The following DYM variants were observed in gnomAD, a reference collection of about 807,000 sequenced individuals.
The protein encoded by DYM is dymeclin.
A neutral mutation model predicts 93.1 loss-of-function variants in DYM; 78 were observed. The ratio of observed to expected loss-of-function variants is 0.84; its 90% CI spans 0.70 to 1.01. The LOEUF (loss-of-function observed/expected upper bound fraction) is 1.01. DYM is among the 50% of genes least tolerant of loss of function. The pLI is 0.00. For synonymous variants in DYM, 321 were observed against 319.7 expected, an observed-to-expected ratio of 1.00 and a Z score of -0.04; for missense variants, 789 against 845.0, an observed-to-expected ratio of 0.93 and a Z score of 0.82.
intron 17 of DYM, among the ~76,000 whole-genome samples, chr18:49,051,550 T>C (rs2072446345): frequency 6.6e-6 from 1 of 152,244 alleles, no homozygotes; most frequent in Non-Finnish European, 1.5e-5. Flanking sequence ...GGGTTGGGCC[T>C]GGGTTCAGCT....
At chr18:49,279,209 AC>A (rs2094914282) in intron 10 of DYM, among the ~76,000 whole-genome samples, 2 of 152,204 alleles carry the variant, frequency 1.3e-5, no homozygotes, top group Admixed American at 6.5e-5. Context: ...AGTGAGTCAG[AC>A]CATCAATAGA....
At chr18:49,386,820 T>C (rs78302010) in intron 3 of DYM, among the ~76,000 whole-genome samples, 1,653 of 152,320 alleles carry the variant, frequency 0.011, 27 homozygotes, top group African/African-American at 0.038. Context: ...TTTTACAAAT[T>C]GAAGGTTTGT....
At chr18:49,270,227 G>A (rs116782214) in intron 11 of DYM, among the ~76,000 whole-genome samples, 1,606 of 152,194 alleles carry the variant, frequency 0.011, 27 homozygotes, top group African/African-American at 0.037. Context: ...AGTAGTGCAT[G>A]GTTGTATAAA....
chr18:49,143,171 T>C (rs2084719758), intron 15 of DYM, among the ~76,000 whole-genome samples: 1 of 152,204 alleles, frequency 6.6e-6, no homozygotes, highest in Admixed American at 6.5e-5. Context: ...GATACTAGTA[T>C]TCTCACTTTA....
chr18:49,423,770 T>C (rs1043498305), intron 2 of DYM, among the ~76,000 whole-genome samples: 1 of 152,048 alleles, frequency 6.6e-6, no homozygotes, highest in Non-Finnish European at 1.5e-5. Flanking sequence ...TATAAACACC[T>C]CTATGCAAAT....
At chr18:49,442,432 T>C (rs1375954321) in intron 1 of DYM, among the ~76,000 whole-genome samples, 1 of 151,970 alleles carries the variant, frequency 6.6e-6, no homozygotes, top group Non-Finnish European at 1.5e-5. Flanking sequence ...ACGCCTATAG[T>C]TCCTGCTACT....
chr18:49,326,360 C>A (rs762546500), intron 8 of DYM, among the ~76,000 whole-genome samples: 6 of 151,870 alleles, frequency 4.0e-5, no homozygotes, highest in African/African-American at 4.8e-5. Flanking sequence ...ATTACTAATA[C>A]AGCTTTGCTT....
chr18:49,075,582 A>G (rs2077234145), intron 17 of DYM, among the ~76,000 whole-genome samples: 2 of 152,208 alleles, frequency 1.3e-5, no homozygotes, highest in Admixed American at 6.5e-5. Context: ...ACATTTCTGG[A>G]TCCTTGCTTG....
At chr18:49,156,024 T>C (rs2086374071) in intron 15 of DYM, among the ~76,000 whole-genome samples, 1 of 152,194 alleles carries the variant, frequency 6.6e-6, no homozygotes, top group African/African-American at 2.4e-5. Flanking sequence ...TACATGAGGA[T>C]TCTAATTTCT....
At chr18:49,349,463 T>C (rs2064927610) in intron 6 of DYM, among the ~76,000 whole-genome samples, 1 of 152,122 alleles carries the variant, frequency 6.6e-6, no homozygotes, top group South Asian at 2.1e-4. Context: ...GTAACAAGTA[T>C]AGAATTTATG....
chr18:49,446,910 T>A (rs1056115599), intron 1 of DYM, among the ~76,000 whole-genome samples: 1 of 151,670 alleles, frequency 6.6e-6, no homozygotes, highest in African/African-American at 2.4e-5. Flanking sequence ...AATACAAAAA[T>A]TAGCTGGGTG....
intron 9 of DYM, among the ~76,000 whole-genome samples, chr18:49,285,287 ATG>A (rs1199138579): frequency 6.6e-6 from 1 of 152,220 alleles, no homozygotes; most frequent in African/African-American, 2.4e-5. Context: ...TCTATAAGAA[ATG>A]TGTATCAGAA....
chr18:49,362,045 A>C (rs1277630041), intron 6 of DYM, among the ~76,000 whole-genome samples: 2 of 95,628 alleles, frequency 2.1e-5, no homozygotes, highest in Admixed American at 1.1e-4. Flanking sequence ...TTTTTTTTTT[A>C]AGTAGAGACA....
intron 8 of DYM, among the ~76,000 whole-genome samples, chr18:49,313,820 A>G (rs1826216676): frequency 1.3e-5 from 2 of 152,118 alleles, no homozygotes; most frequent in African/African-American, 4.8e-5. Flanking sequence ...AGAGACAATG[A>G]TGAGGAAACC....
intron 13 of DYM, among the ~76,000 whole-genome samples, chr18:49,219,784 AC>A (rs2093266296): frequency 6.6e-6 from 1 of 151,792 alleles, no homozygotes; most frequent in South Asian, 2.1e-4. Flanking sequence ...TCTATGACAA[AC>A]CCACAGCCAA....
intron 15 of DYM, among the ~76,000 whole-genome samples, chr18:49,142,855 T>C (rs751866719): frequency 1.3e-5 from 2 of 152,214 alleles, no homozygotes; most frequent in African/African-American, 4.8e-5. Context: ...TAAGGTGCTA[T>C]TGATAAAACC....
intron 3 of DYM, among the ~76,000 whole-genome samples, chr18:49,389,720 G>T (rs2069006291): frequency 6.6e-6 from 1 of 151,860 alleles, no homozygotes; most frequent in Non-Finnish European, 1.5e-5. Flanking sequence ...TAAGAGATGG[G>T]GTCTTATTAT....
At chr18:49,057,929 G>A (rs1238888833) in intron 17 of DYM, among the ~76,000 whole-genome samples, 3 of 152,220 alleles carry the variant, frequency 2.0e-5, no homozygotes, top group African/African-American at 4.8e-5. Flanking sequence ...TGCTCTGACT[G>A]GTGGAGACTG....
At position 49,054,772 on chromosome 18, in the gene DYM, C is replaced by T. The variant is rs115737308; in HGVS notation, c.2026-10568G>A. Among the ~76,000 whole-genome samples the T allele has an allele frequency of 6.1e-3, 930 of 152,266 alleles. 8 individuals are homozygous for T. The highest frequency in any genetic ancestry group is 0.021 in the African/African-American group (892 of 41,536). ...GGGGCACTTACAAGGTTGGCAGACA[C>T]GGATCCTGAGCTCAGGAAATGGTTT... On this transcript the variant is annotated intron_variant, in intron 17 of 17. Coordinates refer to ENST00000675505, the MANE Select transcript of DYM (RefSeq NM_001353214.3).
Sources: gnomAD v4.1 joint callset for allele counts (sites outside exome capture counted in the v4.1 genomes callset) on GRCh38, gnomAD v4.1.1 for gene constraint, MANE v1.5 for transcripts, NCBI Gene and HGNC (gene_info 2026-07-23, HGNC 2026-07-21) for gene names.